The following TENM3 variants were observed in gnomAD, a reference collection of about 807,000 sequenced individuals.
TENM3 encodes teneurin-3.
Under a neutral mutation model 255.1 loss-of-function variants are expected in TENM3, and 63 were observed. That is an observed-to-expected ratio of 0.25 (90% confidence interval 0.20 to 0.30). TENM3 has a LOEUF of 0.30. Ranked by LOEUF, TENM3 falls within the 10% of genes least tolerant of loss-of-function variation. The pLI is 1.00. For missense variants in TENM3, 2,929 were observed against 3,461.1 expected, an observed-to-expected ratio of 0.85 and a Z score of 3.86; for synonymous variants, 1,306 against 1,322.3, an observed-to-expected ratio of 0.99 and a Z score of 0.27.
chr4:182,588,899 T>G (rs1339617778), intron 3 of TENM3, among the ~76,000 whole-genome samples: 1 of 152,334 alleles, frequency 6.6e-6, no homozygotes, highest in African/African-American at 2.4e-5. Flanking sequence ...TTAGATTAAC[T>G]GCACACTTTG....
the TENM3 span, among the ~76,000 whole-genome samples, chr4:181,968,988 C>CTATA: frequency 5.5e-3 from 592 of 107,648 alleles, 3 homozygotes; most frequent in African/African-American, 0.02. Flanking sequence ...CTCTCTCTCT[C>CTATA]TCTCTATATA....
At chr4:181,953,017 A>G in the TENM3 span, among the ~76,000 whole-genome samples, 101 of 152,290 alleles carry the variant, frequency 6.6e-4, 1 homozygote, top group African/African-American at 2.3e-3. Flanking sequence ...ATGTTATCTC[A>G]TTAACTCACA....
chr4:182,570,303 G>C (rs1744228559), intron 3 of TENM3, among the ~76,000 whole-genome samples: 1 of 152,252 alleles, frequency 6.6e-6, no homozygotes, highest in South Asian at 2.1e-4. Context: ...TTGATTGGGA[G>C]GGGAAGCCAT....
the TENM3 span, among the ~76,000 whole-genome samples, chr4:182,055,459 T>A: frequency 6.6e-6 from 1 of 152,184 alleles, no homozygotes; most frequent in African/African-American, 2.4e-5. Context: ...TTTATCTCAC[T>A]TCCCTTGAGG....
intron 1 of TENM3, among the ~76,000 whole-genome samples, chr4:182,188,567 T>C (rs1753315523): frequency 6.6e-6 from 1 of 152,186 alleles, no homozygotes; most frequent in African/African-American, 2.4e-5. Context: ...TCCTGCAGGA[T>C]TGAAGTTGGT....
chr4:181,717,676 T>C, the TENM3 span, among the ~76,000 whole-genome samples: 1 of 152,222 alleles, frequency 6.6e-6, no homozygotes, highest in Non-Finnish European at 1.5e-5. Flanking sequence ...ATGTCCAGAT[T>C]CTTCTGGCCC....
chr4:182,554,092 C>T (rs1742346736), intron 3 of TENM3, among the ~76,000 whole-genome samples: 1 of 152,116 alleles, frequency 6.6e-6, no homozygotes, highest in African/African-American at 2.4e-5. Context: ...AAATTTATTC[C>T]TTAGCTAAAA....
the TENM3 span, among the ~76,000 whole-genome samples, chr4:182,107,859 G>C: frequency 1.3e-5 from 2 of 152,138 alleles, no homozygotes; most frequent in Non-Finnish European, 2.9e-5. Flanking sequence ...TAGTTTCACA[G>C]CCCTTGGAAT....
chr4:182,203,379 G>A (rs1214217744), intron 1 of TENM3, among the ~76,000 whole-genome samples: 1 of 152,168 alleles, frequency 6.6e-6, no homozygotes, highest in Non-Finnish European at 1.5e-5. Flanking sequence ...AAGATTAAGT[G>A]TTAGCTTCCT....
chr4:182,097,783 C>A, the TENM3 span, among the ~76,000 whole-genome samples: 1 of 152,130 alleles, frequency 6.6e-6, no homozygotes, highest in African/African-American at 2.4e-5. Flanking sequence ...CACTTTAACA[C>A]CATTGTCTCT....
the TENM3 span, among the ~76,000 whole-genome samples, chr4:181,776,865 C>T: frequency 3.9e-5 from 6 of 152,154 alleles, no homozygotes; most frequent in African/African-American, 1.4e-4. Flanking sequence ...AATATTTTGT[C>T]CCATTCAACA....
the TENM3 span, among the ~76,000 whole-genome samples, chr4:181,884,098 T>C: frequency 3.3e-5 from 5 of 152,084 alleles, no homozygotes; most frequent in Non-Finnish European, 5.9e-5. Context: ...GAATTGATAA[T>C]TTTTTCGTGG....
At chr4:181,632,874 T>A in the TENM3 span, among the ~76,000 whole-genome samples, 1 of 152,184 alleles carries the variant, frequency 6.6e-6, no homozygotes, top group East Asian at 1.9e-4. Flanking sequence ...CGAAACAACT[T>A]CAGTAGAATA....
chr4:181,550,685 G>C, the TENM3 span, among the ~76,000 whole-genome samples: 1 of 152,170 alleles, frequency 6.6e-6, no homozygotes, highest in Non-Finnish European at 1.5e-5. Context: ...AGATAGCCTA[G>C]AGTCTATCCA....
At chr4:182,274,779 G>A (rs1252095071) in intron 1 of TENM3, among the ~76,000 whole-genome samples, 1 of 152,132 alleles carries the variant, frequency 6.6e-6, no homozygotes, top group Non-Finnish European at 1.5e-5. Context: ...GGCTATTTCT[G>A]AGTTTAAGTC....
chr4:182,245,720 C>T (rs1297116694), intron 1 of TENM3, among the ~76,000 whole-genome samples: 3 of 152,142 alleles, frequency 2.0e-5, no homozygotes, highest in Non-Finnish European at 4.4e-5. Context: ...TTCCTCTCTT[C>T]CAGGGCCAGC....
the TENM3 span, among the ~76,000 whole-genome samples, chr4:181,660,237 A>T: frequency 6.6e-6 from 1 of 152,168 alleles, no homozygotes; most frequent in East Asian, 1.9e-4. Context: ...TACAACACAC[A>T]CAGGTTTTGC....
chr4:181,723,822 G>T, the TENM3 span, among the ~76,000 whole-genome samples: 1 of 152,052 alleles, frequency 6.6e-6, no homozygotes, highest in Non-Finnish European at 1.5e-5. Context: ...ATGGATTTTT[G>T]ATACTTCAGA....
intron 27 of TENM3, 79 bp downstream of exon 27, chr4:182,796,846 T>A: frequency 1.8e-6 from 2 of 1,136,068 alleles, no homozygotes; most frequent in South Asian, 1.8e-5. Context: ...ACTACCCTTG[T>A]GAAAACTGTA....
Sources: gnomAD v4.1 joint callset for allele counts (sites outside exome capture counted in the v4.1 genomes callset) on GRCh38, gnomAD v4.1.1 for gene constraint, MANE v1.5 for transcripts, NCBI Gene and HGNC (gene_info 2026-07-23, HGNC 2026-07-21) for gene names.